The following P2RY2 variants were observed in gnomAD, a reference collection of about 807,000 sequenced individuals.
The protein encoded by P2RY2 is purinergic receptor P2Y2.
For synonymous variants in P2RY2, 241 were observed against 231.9 expected (o/e 1.04, Z -0.35); for missense variants, 567 against 515.7 (o/e 1.10, Z -0.96).
Position 73,234,783 on chromosome 11 carries a change from G to A in P2RY2, c.624G>A (p.Ala208=), listed in dbSNP as rs573698017. Residue 208 remains alanine (A), a synonymous_variant, in exon 3 of 3, where the codon GCG becomes GCA. Transcript: ENST00000393597. The part of the protein sequence containing the change: ...YSSVMLGLLF[A]VPFAVILVCY... ...CAGTCATGCTGGGCCTGCTCTTCGCGGTGCCCTTTGCCGTCATCCTTGTCT... is the reference window on the plus strand; with the variant it reads ...CAGTCATGCTGGGCCTGCTCTTCGCAGTGCCCTTTGCCGTCATCCTTGTCT... 5.0e-6 allele frequency: 8 copies of A among 1,611,628 alleles called. No homozygotes were observed. In the African/African-American group the frequency reaches 5.3e-5, roughly 11 times the overall value.
At chr11:73,232,938 G>T (rs556013160) in intron 2 of P2RY2, among the ~76,000 whole-genome samples, 1 of 152,194 alleles carries the variant, frequency 6.6e-6, no homozygotes, top group South Asian at 2.1e-4. Flanking sequence ...CTCTTAATTG[G>T]TCACCTGGGT....
chr11:73,235,302 C>A lies in P2RY2; in HGVS notation c.*9C>A. 6.5e-7 allele frequency: 1 copy of A among 1,534,062 alleles called. No individual in the cohort carries two copies. Among genetic ancestry groups the A allele is most frequent in the Non-Finnish European group, 8.8e-7 (1 of 1,140,282 alleles). ...AGGACATTCGGCTGTAGGAGCAGAA[C>A]ACTTCAGCCTGTGCAGGTTTATATT... On this transcript the variant is annotated 3_prime_UTR_variant, in exon 3 of 3. Coordinates refer to ENST00000393597, the MANE Select transcript of P2RY2 (RefSeq NM_002564.4).
chr11:73,229,399 G>A (rs1200660550), intron 2 of P2RY2, among the ~76,000 whole-genome samples: 3 of 152,164 alleles, frequency 2.0e-5, no homozygotes, highest in South Asian at 2.1e-4. Context: ...GCTGGTGAGC[G>A]TTGGATAGTC....
chr11:73,235,702 G>C lies in P2RY2; in HGVS notation c.*409G>C. The stretch of plus-strand genomic sequence containing the variant: ...ACCAGAGTCTGGAGCTGAGCTACCT[G>C]GGGTGGGGGCCAAGTCACAGGTTGG... On this transcript the variant is annotated 3_prime_UTR_variant, in exon 3 of 3. Coordinates refer to ENST00000393597, the MANE Select transcript of P2RY2 (RefSeq NM_002564.4). 3.0e-6 allele frequency: 3 copies of C among 1,009,200 alleles called. No individual in the cohort carries two copies. Among genetic ancestry groups the C allele is most frequent in the Non-Finnish European group, 3.6e-6 (3 of 836,420 alleles). 62.5% of individuals were successfully genotyped at this position (1,009,200 alleles called of 1,614,324 possible).
intron 1 of P2RY2, among the ~76,000 whole-genome samples, chr11:73,226,073 C>G (rs1169494076): frequency 6.6e-6 from 1 of 152,212 alleles, no homozygotes; most frequent in Non-Finnish European, 1.5e-5. Context: ...CTGCTGTGGA[C>G]TGTGGAAGCA....
Position 73,235,500 on chromosome 11 carries a change from A to G in P2RY2, c.*207A>G. ...TAACCCCTAGTCATCGTTTGTGTGT[A>G]TAAGTTGGGGGAATTAAGTTTCAAG... On this transcript the variant is annotated 3_prime_UTR_variant, in exon 3 of 3. Transcript: ENST00000393597. 7.7e-7 allele frequency: 1 copy of G among 1,305,070 alleles called. No homozygotes were observed. 80.8% of individuals were successfully genotyped at this position (1,305,070 alleles called of 1,614,324 possible). A position where few individuals can be genotyped will look rare whatever the true frequency, so the allele number is the denominator to read the frequency against.
chr11:73,220,051 C>T (rs140079164), intron 1 of P2RY2, among the ~76,000 whole-genome samples: 245 of 152,354 alleles, frequency 1.6e-3, no homozygotes, highest in African/African-American at 5.6e-3. Context: ...GTGTTGCCAG[C>T]ACCCTGCACA....
At chr11:73,220,240 A>G (rs1862079295) in intron 1 of P2RY2, among the ~76,000 whole-genome samples, 3 of 152,240 alleles carry the variant, frequency 2.0e-5, no homozygotes, top group African/African-American at 7.2e-5. Flanking sequence ...GGGACACTGT[A>G]GGACCTAGAG....
At position 73,240,607 on chromosome 11, in the gene P2RY2, T is replaced by C. The variant is rs1862755005; in HGVS notation, c.*5314T>C. ...GGGACTGGTGGCCCAGAGAGGGCTG[T>C]GCCTTACCCAGTCACACAGCAGTCA... On this transcript the variant is annotated 3_prime_UTR_variant, in exon 3 of 3. Transcript: ENST00000393597. 6.6e-6 allele frequency: 1 copy of C among 152,240 alleles called. No homozygotes were observed. The highest frequency in any genetic ancestry group is 1.5e-5 in the Non-Finnish European group (1 of 68,048). The allele number at this position is 152,240 out of a possible 1,614,324, so 9.4% of individuals were successfully genotyped here. A position where few individuals can be genotyped will look rare whatever the true frequency, so the allele number is the denominator to read the frequency against.
At position 73,234,951 on chromosome 11, in the gene P2RY2, C is replaced by G. The variant is rs545554556; in HGVS notation, c.792C>G (p.Thr264=). ...TCTGCTTCCTGCCATTCCACGTCAC[C>G]CGCACCCTCTACTACTCCTTCCGCT... ...FALCFLPFHV[T]RTLYYSFRSL... is the part of the protein sequence containing the mutation. Residue 264 remains threonine, a synonymous_variant, in exon 3 of 3, where the codon ACC becomes ACG. Coordinates refer to ENST00000393597, the MANE Select transcript of P2RY2 (RefSeq NM_002564.4). 1 of 1,610,902 alleles carries G rather than the reference C, an allele frequency of 6.2e-7. No homozygotes were observed. Among genetic ancestry groups the G allele is most frequent in the African/African-American group, 1.3e-5 (1 of 75,062 alleles).
rs867399456 is a variant in P2RY2, at chr11:73,237,096, G to A, written c.*1803G>A. 9 of 985,302 alleles carry A rather than the reference G, an allele frequency of 9.1e-6. No individual in the cohort carries two copies. Among genetic ancestry groups the A allele is most frequent in the Non-Finnish European group, 9.6e-6 (8 of 829,892 alleles). The allele number at this position is 985,302 out of a possible 1,614,324, so 61.0% of individuals were successfully genotyped here. ...TGTATTTGGAGCCTGACTCCACAGC[G>A]CCCTCATGTGACAGAGACCCATCAC... On this transcript the variant is annotated 3_prime_UTR_variant, in exon 3 of 3. Coordinates refer to ENST00000393597, the MANE Select transcript of P2RY2 (RefSeq NM_002564.4).
chr11:73,221,989 A>T (rs1862130689), intron 1 of P2RY2, among the ~76,000 whole-genome samples: 1 of 152,102 alleles, frequency 6.6e-6, no homozygotes, highest in Admixed American at 6.5e-5. Flanking sequence ...CCTCCACCCC[A>T]TCACCCCATC....
chr11:73,220,326 C>T (rs1565133788), intron 1 of P2RY2, among the ~76,000 whole-genome samples: 2 of 152,214 alleles, frequency 1.3e-5, no homozygotes, highest in Non-Finnish European at 2.9e-5. Flanking sequence ...AGAGGTGTTT[C>T]ATGGTCAGAG....
chr11:73,220,549 C>T (rs1862088316), intron 1 of P2RY2, among the ~76,000 whole-genome samples: 1 of 152,202 alleles, frequency 6.6e-6, no homozygotes, highest in Admixed American at 6.5e-5. Flanking sequence ...TTGATCTCAT[C>T]CCAGCTCTGT....
In P2RY2 at chr11:73,236,931, C is replaced by T. The variant is rs1389270159; in HGVS notation, c.*1638C>T. Reference sequence around the variant, plus strand: ...GGGACAGGGCAAAGCTGACAGGCCTCACTCTTGATCTCAAGGACAGGGACT... The same window carrying T: ...GGGACAGGGCAAAGCTGACAGGCCTTACTCTTGATCTCAAGGACAGGGACT... On this transcript the variant is annotated 3_prime_UTR_variant, in exon 3 of 3. Transcript: ENST00000393597. 1.0e-6 allele frequency: 1 copy of T among 985,306 alleles called. No individual in the cohort carries two copies. The highest frequency in any genetic ancestry group is 1.2e-6 in the Non-Finnish European group (1 of 829,880). 61.0% of individuals were successfully genotyped at this position (985,306 alleles called of 1,614,324 possible). A position where few individuals can be genotyped will look rare whatever the true frequency, so the allele number is the denominator to read the frequency against.
At position 73,235,482 on chromosome 11, in the gene P2RY2, T is replaced by C; in HGVS notation, c.*189T>C. 2 of 1,333,548 alleles carry C rather than the reference T, an allele frequency of 1.5e-6. No individual in the cohort carries two copies. The highest frequency in any genetic ancestry group is 5.0e-5 in the South Asian group (2 of 40,248). The allele number at this position is 1,333,548 out of a possible 1,614,324, so 82.6% of individuals were successfully genotyped here. ...CAGAGTCAACTGTTCCCATAACCCC[T>C]AGTCATCGTTTGTGTGTATAAGTTG... On this transcript the variant is annotated 3_prime_UTR_variant, in exon 3 of 3. Coordinates refer to ENST00000393597, the MANE Select transcript of P2RY2 (RefSeq NM_002564.4).
rs1241914490 is a variant in P2RY2, at chr11:73,236,039, C to T, written c.*746C>T. ...TCCGTTCCCTTCTGCCACCTGCCTTCTCACTAGCTGTCTCAGGAGTAGTCT... is the reference window on the plus strand; with the variant it reads ...TCCGTTCCCTTCTGCCACCTGCCTTTTCACTAGCTGTCTCAGGAGTAGTCT... On this transcript the variant is annotated 3_prime_UTR_variant, in exon 3 of 3. Coordinates refer to ENST00000393597, the MANE Select transcript of P2RY2 (RefSeq NM_002564.4). The T allele has an allele frequency of 2.0e-6, 2 of 999,810 alleles. No homozygotes were observed. The highest frequency in any genetic ancestry group is 2.4e-6 in the Non-Finnish European group (2 of 829,626). 61.9% of individuals were successfully genotyped at this position (999,810 alleles called of 1,614,324 possible). A position where few individuals can be genotyped will look rare whatever the true frequency, so the allele number is the denominator to read the frequency against.
rs985437069 is a variant in P2RY2, at chr11:73,238,954, G to C, written c.*3661G>C. The C allele has an allele frequency of 6.6e-6, 1 of 152,178 alleles. No homozygotes were observed. The highest frequency in any genetic ancestry group is 1.5e-5 in the Non-Finnish European group (1 of 68,036). 9.4% of individuals were successfully genotyped at this position (152,178 alleles called of 1,614,324 possible). A position where few individuals can be genotyped will look rare whatever the true frequency, so the allele number is the denominator to read the frequency against. ...AATATTGTCCCCACTTTCCTGGCTG[G>C]GGTCTCTTGGGCAAGTTACCTAATC... On this transcript the variant is annotated 3_prime_UTR_variant, in exon 3 of 3. Transcript: ENST00000393597.
In P2RY2 at chr11:73,234,260, T is replaced by C. The variant is rs1862547253; in HGVS notation, c.101T>C (p.Val34Ala). Reference protein sequence around the residue: ...RCRFNEDFKYVLLPVSYGVVC... With the variant: ...RCRFNEDFKYALLPVSYGVVC... ...CGCTTCAACGAGGACTTCAAGTACG[T>C]GCTGCTGCCTGTGTCCTACGGCGTG... Residue 34 changes from valine (V) to alanine (A), a missense_variant, in exon 3 of 3, where the codon GTG becomes GCG. By Grantham distance (64) the Val-to-Ala change is moderately conservative. Transcript: ENST00000393597. The C allele has an allele frequency of 6.2e-7, 1 of 1,614,190 alleles. No homozygotes were observed. The highest frequency in any genetic ancestry group is 8.5e-7 in the Non-Finnish European group (1 of 1,180,026).
Sources: gnomAD v4.1 joint callset for allele counts (sites outside exome capture counted in the v4.1 genomes callset) on GRCh38, gnomAD v4.1.1 for gene constraint, MANE v1.5 for transcripts, NCBI Gene and HGNC (gene_info 2026-07-23, HGNC 2026-07-21) for gene names.